CTTNBP2: variants seen among roughly 807,000 people sequenced by gnomAD.
CTTNBP2 encodes cortactin-binding protein 2.
In CTTNBP2, 108 loss-of-function variants were observed where a neutral mutation model predicts 156.9. That is an observed-to-expected ratio of 0.69 (90% CI 0.59 to 0.81). The LOEUF is 0.81. Among genes scored for constraint, CTTNBP2 ranks in the 30% least tolerant of loss-of-function variants. The pLI, the probability that CTTNBP2 is intolerant of heterozygous loss-of-function variation, is 0.00. For missense variants in CTTNBP2, 1,924 were observed against 2,035.4 expected (o/e 0.95, Z 1.05); for synonymous variants, 767 against 751.8 (o/e 1.02, Z -0.33).
At chr7:117,728,023 C>T in intron 17 of CTTNBP2, 66 bp downstream of exon 17, 1 of 1,442,168 alleles carries the variant, frequency 6.9e-7, no homozygotes, top group Non-Finnish European at 9.5e-7. Flanking sequence ...AGCATTCTCA[C>T]CCTCAAACAT....
chr7:117,845,366 T>C (rs1278605755), intron 2 of CTTNBP2, among the ~76,000 whole-genome samples: 1 of 152,234 alleles, frequency 6.6e-6, no homozygotes, highest in Non-Finnish European at 1.5e-5. Flanking sequence ...CACATTACTG[T>C]GTAGAGCATG....
intron 3 of CTTNBP2, among the ~76,000 whole-genome samples, chr7:117,803,465 C>T (rs1209176643): frequency 1.3e-5 from 2 of 152,138 alleles, no homozygotes; most frequent in Admixed American, 1.3e-4. Flanking sequence ...ATCAATCACA[C>T]CCCAAAACTC....
chr7:117,748,470 C>T (rs1040073477), intron 12 of CTTNBP2, among the ~76,000 whole-genome samples: 23 of 152,046 alleles, frequency 1.5e-4, no homozygotes, highest in Admixed American at 9.8e-4. Flanking sequence ...CTTTTTTCTG[C>T]GAGTATCTGT....
chr7:117,747,335 TG>T (rs1796387224), intron 12 of CTTNBP2, among the ~76,000 whole-genome samples: 1 of 152,160 alleles, frequency 6.6e-6, no homozygotes, highest in Non-Finnish European at 1.5e-5. Context: ...TTATGGTAGC[TG>T]GGATGGACTT....
At chr7:117,734,846 A>C (rs1032985093) in intron 16 of CTTNBP2, 67 bp downstream of exon 16, 1 of 1,318,182 alleles carries the variant, frequency 7.6e-7, no homozygotes, top group Middle Eastern at 2.1e-4. Flanking sequence ...GTGGAACTCA[A>C]GCTGAGATCT....
chr7:117,713,043 G>A (rs1325576139), intron 22 of CTTNBP2, among the ~76,000 whole-genome samples: 1 of 152,170 alleles, frequency 6.6e-6, no homozygotes, highest in Non-Finnish European at 1.5e-5. Flanking sequence ...TCTCATAGTA[G>A]TACAAACCCT....
At chr7:117,747,395 T>C (rs1304530157) in intron 12 of CTTNBP2, among the ~76,000 whole-genome samples, 2 of 152,170 alleles carry the variant, frequency 1.3e-5, no homozygotes, top group East Asian at 3.8e-4. Flanking sequence ...AGGAGGCAGA[T>C]TGTGGGATAT....
chr7:117,767,003 C>T, intron 9 of CTTNBP2, 56 bp downstream of exon 9: 1 of 966,012 alleles, frequency 1.0e-6, no homozygotes, highest in Non-Finnish European at 1.7e-6. Flanking sequence ...CCCATTGTAC[C>T]AGAGGCCCCA....
intron 8 of CTTNBP2, among the ~76,000 whole-genome samples, chr7:117,770,428 AT>A (rs1310464402): frequency 2.0e-5 from 3 of 152,226 alleles, no homozygotes; most frequent in Non-Finnish European, 4.4e-5. Flanking sequence ...TGCTGGCTGC[AT>A]GGGGAACTCA....
At chr7:117,756,422 G>A (rs543071672) in intron 12 of CTTNBP2, 133 bp downstream of exon 12, 69 of 693,630 alleles carry the variant, frequency 9.9e-5, no homozygotes, top group Non-Finnish European at 1.6e-4. Flanking sequence ...GAGGGGGCTG[G>A]TGGGGAAGGT....
chr7:117,789,397 C>A (rs1179874747), intron 4 of CTTNBP2, among the ~76,000 whole-genome samples: 1 of 152,080 alleles, frequency 6.6e-6, no homozygotes, highest in Non-Finnish European at 1.5e-5. Flanking sequence ...GCATTTATGG[C>A]AATAGCACTG....
chr7:117,810,737 G>C (rs1800224889), intron 3 of CTTNBP2, 28 bp downstream of exon 3: 1 of 1,568,824 alleles, frequency 6.4e-7, no homozygotes, highest in African/African-American at 1.4e-5. Flanking sequence ...ATGTTGTGGG[G>C]AAAATGACCA....
At chr7:117,834,581 G>A (rs544395380) in intron 2 of CTTNBP2, among the ~76,000 whole-genome samples, 1 of 152,098 alleles carries the variant, frequency 6.6e-6, no homozygotes, top group African/African-American at 2.4e-5. Flanking sequence ...TCTCAAGAAC[G>A]TCAGTTTAGT....
At chr7:117,735,727 G>A (rs1001031013) in intron 14 of CTTNBP2, among the ~76,000 whole-genome samples, 26 of 152,040 alleles carry the variant, frequency 1.7e-4, no homozygotes, top group Non-Finnish European at 2.9e-4. Flanking sequence ...AATAGAAAGC[G>A]AACAAATGAC....
Position 117,782,882 on chromosome 7 carries a change from T to TGCA in CTTNBP2, c.2349_2351dup (p.Ala786dup). 6.2e-7 allele frequency: 1 copy of TGCA among 1,613,616 alleles called. No homozygotes were observed. Among genetic ancestry groups the TGCA allele is most frequent in the Non-Finnish European group, 8.5e-7 (1 of 1,179,602 alleles). ...CTTACTCGAAATGTCCCTGAGCAGCTGCAGCACACAAGGGTGTGAAGCCAT... is the reference window on the plus strand; with the variant it reads ...CTTACTCGAAATGTCCCTGAGCAGCTGCAGCAGCACACAAGGGTGTGAAGCCAT... On this transcript the variant is annotated inframe_insertion, in exon 6 of 23. Transcript: ENST00000160373.
rs140251453 is a variant in CTTNBP2 at position 117,786,695 on chromosome 7, G to A, written c.2069-2241C>T. 3.1e-3 allele frequency among the ~76,000 whole-genome samples: 475 copies of A among 152,104 alleles called. 3 individuals are homozygous for A. Among genetic ancestry groups the A allele is most frequent in the African/African-American group, 0.011 (455 of 41,508 alleles). ...TTTATGAATACCAATATATGTAAAT[G>A]GTTTGCTATTCTTTTGGGTTTTGTT... On this transcript the variant is annotated intron_variant, in intron 4 of 22. Coordinates refer to ENST00000160373, the MANE Select transcript of CTTNBP2 (RefSeq NM_033427.3).
chr7:117,727,038 CTTTAA>C lies in CTTNBP2; in HGVS notation c.4055+1046_4055+1050del, dbSNP rs200905759. 1.1e-3 allele frequency among the ~76,000 whole-genome samples: 162 copies of C among 152,210 alleles called. 3 individuals are homozygous for C. In the East Asian group the frequency reaches 0.026, roughly 25 times the overall value. On this transcript the variant is annotated intron_variant, in intron 17 of 22. Coordinates refer to ENST00000160373, the MANE Select transcript of CTTNBP2 (RefSeq NM_033427.3). ...CTTGAGACTCTGGATGTAAAAAAGA[CTTTAA>C]TTTAACTGACATAATAATGAAGAAA... is the stretch of plus-strand genomic sequence containing the variant.
intron 19 of CTTNBP2, among the ~76,000 whole-genome samples, chr7:117,724,335 G>A (rs891541990): frequency 1.3e-5 from 2 of 152,010 alleles, no homozygotes; most frequent in Admixed American, 6.6e-5. Context: ...TTGGAATTCT[G>A]GTTTGAAAGC....
intron 4 of CTTNBP2, chr7:117,786,471 A>G: frequency 2.3e-6 from 1 of 427,522 alleles, no homozygotes; most frequent in Non-Finnish European, 4.6e-6. Context: ...CAAAAATTAA[A>G]TCAGTACTTA....
Sources: gnomAD v4.1 joint callset for allele counts (sites outside exome capture counted in the v4.1 genomes callset) on GRCh38, gnomAD v4.1.1 for gene constraint, MANE v1.5 for transcripts, NCBI Gene and HGNC (gene_info 2026-07-23, HGNC 2026-07-21) for gene names.